Variants in ARHGEF28 observed in about 807,000 individuals in gnomAD.
The protein encoded by ARHGEF28 is Rho guanine nucleotide exchange factor 28.
ARHGEF28 carries 152 observed loss-of-function variants against 206.6 expected under a neutral mutation model. The observed-to-expected ratio is 0.74, with a 90% CI of 0.64 to 0.84. The LOEUF is 0.84. Among genes scored for constraint, ARHGEF28 ranks in the 40% least tolerant of loss-of-function variants. The pLI is 0.00. For synonymous variants in ARHGEF28, 763 were observed against 776.4 expected (o/e 0.98, Z 0.29); for missense variants, 2,028 against 2,073.2 (o/e 0.98, Z 0.42).
intron 1 of ARHGEF28, among the ~76,000 whole-genome samples, chr5:73,664,699 G>A (rs1208596891): frequency 6.6e-6 from 1 of 152,000 alleles, no homozygotes; most frequent in African/African-American, 2.4e-5. Context: ...GTTTCTGTTC[G>A]AAAATAAGTA....
intron 2 of ARHGEF28, among the ~76,000 whole-genome samples, chr5:73,748,567 G>T (rs1027755020): frequency 1.3e-5 from 2 of 152,202 alleles, no homozygotes; most frequent in African/African-American, 4.8e-5. Context: ...GCTAATATTT[G>T]TCAGAGGCAA....
chr5:73,809,195 ACT>A (rs1279624642), intron 9 of ARHGEF28, among the ~76,000 whole-genome samples: 4 of 140,760 alleles, frequency 2.8e-5, no homozygotes, highest in South Asian at 2.2e-4. Context: ...ATAGAGCAAG[ACT>A]CTGTCTCAAA....
chr5:73,939,866 C>CT (rs545251399), intron 35 of ARHGEF28, among the ~76,000 whole-genome samples: 47 of 151,968 alleles, frequency 3.1e-4, no homozygotes, highest in Non-Finnish European at 5.7e-4. Flanking sequence ...ACAATGGCCT[C>CT]TTTTTTTTCT....
intron 1 of ARHGEF28, among the ~76,000 whole-genome samples, chr5:73,667,035 T>G (rs927233928): frequency 6.7e-6 from 1 of 149,604 alleles, no homozygotes; most frequent in African/African-American, 2.5e-5. Context: ...CACTCCGTGG[T>G]TGGTGGTCTC....
At chr5:73,879,133 C>A (rs1233781781) in intron 22 of ARHGEF28, among the ~76,000 whole-genome samples, 1 of 152,070 alleles carries the variant, frequency 6.6e-6, no homozygotes, top group Non-Finnish European at 1.5e-5. Flanking sequence ...TCTTTTTATT[C>A]TTTTTTCTCT....
At chr5:73,648,273 G>A (rs1377518396) in intron 1 of ARHGEF28, among the ~76,000 whole-genome samples, 2 of 152,004 alleles carry the variant, frequency 1.3e-5, no homozygotes, top group Non-Finnish European at 2.9e-5. Flanking sequence ...CCAGTGTCTG[G>A]GAAATCCATA....
intron 1 of ARHGEF28, among the ~76,000 whole-genome samples, chr5:73,643,661 A>C (rs1744255591): frequency 6.6e-6 from 1 of 152,092 alleles, no homozygotes; most frequent in Non-Finnish European, 1.5e-5. Context: ...CAAAAAATGC[A>C]AAAATCAACC....
At chr5:73,855,380 A>G (rs1234310745) in intron 14 of ARHGEF28, among the ~76,000 whole-genome samples, 1 of 152,172 alleles carries the variant, frequency 6.6e-6, no homozygotes, top group Non-Finnish European at 1.5e-5. Context: ...ATATTTTTAA[A>G]AAAGCATTTT....
chr5:73,795,149 T>C (rs1754728207), intron 8 of ARHGEF28, among the ~76,000 whole-genome samples, 182 bp from the exon 9 acceptor site: 1 of 152,238 alleles, frequency 6.6e-6, no homozygotes, highest in Non-Finnish European at 1.5e-5. Flanking sequence ...GATAGATTCA[T>C]TACTCACTTT....
intron 14 of ARHGEF28, among the ~76,000 whole-genome samples, chr5:73,853,391 T>G (rs895452231): frequency 3.9e-5 from 6 of 152,222 alleles, no homozygotes; most frequent in Non-Finnish European, 5.9e-5. Flanking sequence ...TAAGAGACCA[T>G]CTGAAAAGAG....
chr5:73,648,866 C>G (rs1278477228), intron 1 of ARHGEF28, among the ~76,000 whole-genome samples: 2 of 152,200 alleles, frequency 1.3e-5, no homozygotes, highest in African/African-American at 4.8e-5. Flanking sequence ...TTCACTTCTC[C>G]TTTCCATGAA....
At position 73,940,932 on chromosome 5, in the gene ARHGEF28, G is replaced by A. The variant is rs957693426; in HGVS notation, c.5037G>A (p.Lys1679=). ...PQLQAFITEA[K]LNLPTRTMTR... ...TGCAGGCGTTTATAACAGAAGCAAA[G>A]CTAAATCTACCGACAAGGACAATGA... The change falls in exon 36 of 36, where the codon AAG becomes AAA. Residue 1679 remains lysine (K), a synonymous_variant. Transcript: ENST00000513042. 2 of 1,534,408 alleles carry A rather than the reference G, an allele frequency of 1.3e-6. No individual in the cohort carries two copies. Among genetic ancestry groups the A allele is most frequent in the African/African-American group, 1.4e-5 (1 of 72,940 alleles).
chr5:73,773,068 C>T (rs1436192544), intron 4 of ARHGEF28, among the ~76,000 whole-genome samples: 2 of 152,158 alleles, frequency 1.3e-5, no homozygotes, highest in Non-Finnish European at 2.9e-5. Flanking sequence ...ATTTTAACAG[C>T]CAATTGTCAT....
chr5:73,869,586 G>A (rs1378087225), intron 20 of ARHGEF28, among the ~76,000 whole-genome samples: 1 of 152,062 alleles, frequency 6.6e-6, no homozygotes, highest in Admixed American at 6.6e-5. Flanking sequence ...GTCTTAATTT[G>A]GACCATTTCA....
intron 1 of ARHGEF28, among the ~76,000 whole-genome samples, chr5:73,650,383 C>T (rs932756820): frequency 4.8e-5 from 7 of 145,622 alleles, no homozygotes; most frequent in African/African-American, 1.8e-4. Flanking sequence ...CTCTTGGGTT[C>T]AAGTGATTCT....
In ARHGEF28 at chr5:73,892,094, A is replaced by G; in HGVS notation, c.3430A>G (p.Arg1144Gly). The change falls in exon 27 of 36, where the codon AGA (arginine) becomes GGA (glycine). Residue 1144 changes from arginine to glycine, a missense_variant. This residue lies in a region of ARHGEF28 where 803 missense variants were observed against 768.0 expected (regional missense o/e 1.05). Coordinates refer to ENST00000513042, the MANE Select transcript of ARHGEF28 (RefSeq NM_001177693.2). ...TATTTCCCTTCAAAAGCTTATTGCT[A>G]GAGAAGTTGCTAATGAGGAGAGAGG... The part of the protein sequence containing the change: ...SVISLQKLIA[R>G]EVANEERGMF... 1 of 1,600,274 alleles carries G rather than the reference A, an allele frequency of 6.2e-7. No homozygotes were observed. Among genetic ancestry groups the G allele is most frequent in the Non-Finnish European group, 8.5e-7 (1 of 1,172,660 alleles).
chr5:73,639,342 A>T (rs953266040), intron 1 of ARHGEF28, among the ~76,000 whole-genome samples: 6 of 151,524 alleles, frequency 4.0e-5, no homozygotes, highest in African/African-American at 1.5e-4. Flanking sequence ...TTATACAGAT[A>T]TGTACAGAGA....
chr5:73,746,828 C>G (rs766019301), intron 2 of ARHGEF28, among the ~76,000 whole-genome samples: 54 of 152,130 alleles, frequency 3.5e-4, no homozygotes, highest in Non-Finnish European at 5.7e-4. Flanking sequence ...TACCATTACT[C>G]TGTTTAAATG....
chr5:73,754,155 G>GT (rs1477516022), intron 4 of ARHGEF28, among the ~76,000 whole-genome samples: 6 of 152,128 alleles, frequency 3.9e-5, no homozygotes, highest in African/African-American at 1.4e-4. Flanking sequence ...AATTCTAGTT[G>GT]TAAGTTTCAG....
Sources: gnomAD v4.1 joint callset for allele counts (sites outside exome capture counted in the v4.1 genomes callset) on GRCh38, gnomAD v4.1.1 for gene constraint, gnomAD v4.1.1 regional missense constraint, MANE v1.5 for transcripts, NCBI Gene and HGNC (gene_info 2026-07-23, HGNC 2026-07-21) for gene names.